Variants in DDX43 observed in about 807,000 individuals in gnomAD.
The protein encoded by DDX43 is probable ATP-dependent RNA helicase DDX43.
DDX43 carries 50 observed loss-of-function variants against 84.9 expected under a neutral mutation model. The observed-to-expected ratio is 0.59, with a 90% CI of 0.47 to 0.75. The LOEUF (loss-of-function observed/expected upper bound fraction) is 0.75. Among genes scored for constraint, DDX43 ranks in the 30% least tolerant of loss-of-function variants. DDX43 has a pLI of 0.00. For synonymous variants in DDX43, 291 were observed against 266.3 expected, an observed-to-expected ratio of 1.09 and a Z score of -0.90; for missense variants, 689 against 798.6, an observed-to-expected ratio of 0.86 and a Z score of 1.65.
At chr6:73,398,929 G>A (rs1241048909) in intron 2 of DDX43, among the ~76,000 whole-genome samples, 2 of 152,010 alleles carry the variant, frequency 1.3e-5, no homozygotes, top group African/African-American at 2.4e-5. Context: ...CTCCACTGTG[G>A]TCAGAACAAT....
At position 73,395,094 on chromosome 6, in the gene DDX43, T is replaced by C. The variant is rs749477170; in HGVS notation, c.189T>C (p.Ala63=). 21 of 1,614,142 alleles carry C rather than the reference T, an allele frequency of 1.3e-5. No homozygotes were observed. The highest frequency in any genetic ancestry group is 1.7e-5 in the Non-Finnish European group (20 of 1,179,976). ...CTAGGCCCCCGGAGGCCGTGGCCGC[T>C]GGTCACGAGGAACTGCCGCTGTGTT... ...GTSRPPEAVA[A]GHEELPLCFA... is the part of the protein sequence containing the mutation. Residue 63 remains alanine, a synonymous_variant, in exon 1 of 17, where the codon GCT becomes GCC. Transcript: ENST00000370336.
chr6:73,416,173 G>A lies in DDX43; in HGVS notation c.1894G>A (p.Glu632Lys). Residue 632 changes from glutamate (E) to lysine (K), a missense_variant, in exon 16 of 17, where the codon GAA becomes AAA. This residue lies in a region of DDX43 where 552 missense variants were observed against 692.7 expected (regional missense o/e 0.80). Coordinates refer to ENST00000370336, the MANE Select transcript of DDX43 (RefSeq NM_018665.3). ...ERFKAHQQKREMERKMERPQG... is the reference protein window; with the variant it reads ...ERFKAHQQKRKMERKMERPQG... ...GTTTAAGGCACATCAACAGAAAAGG[G>A]AAATGGAAAGAAAAATGGAAAGACC... The A allele has an allele frequency of 6.3e-7, 1 of 1,598,916 alleles. No homozygotes were observed. Among genetic ancestry groups the A allele is most frequent in the African/African-American group, 1.3e-5 (1 of 74,872 alleles).
At position 73,409,261 on chromosome 6, in the gene DDX43, C is replaced by G; in HGVS notation, c.1193C>G (p.Ala398Gly). ...TTGTCAATGCAGGTTTTAGATGAAG[C>G]AGACAAGATGTTGGACATGGGATTT... is the stretch of plus-strand genomic sequence containing the variant. The part of the protein sequence containing the change: ...KNITYLVLDE[A>G]DKMLDMGFEP... Residue 398 changes from alanine to glycine, a missense_variant, in exon 10 of 17, where the codon GCA becomes GGA. Around this residue, in one of 2 missense-constraint regions of DDX43, gnomAD observed 552 missense variants for 692.7 expected, o/e 0.80. Transcript: ENST00000370336. The G allele has an allele frequency of 6.2e-7, 1 of 1,613,974 alleles. No individual in the cohort carries two copies. The highest frequency in any genetic ancestry group is 8.5e-7 in the Non-Finnish European group (1 of 1,179,898).
At chr6:73,412,330 A>G (rs1393457548) in intron 11 of DDX43, 38 bp downstream of exon 11, 1 of 1,563,916 alleles carries the variant, frequency 6.4e-7, no homozygotes, top group Admixed American at 1.8e-5. Flanking sequence ...AACATTTCTT[A>G]TGAAAATTCT....
At chr6:73,397,573 G>C (rs1316874144) in intron 1 of DDX43, 116 bp from the exon 2 acceptor site, 2 of 800,104 alleles carry the variant, frequency 2.5e-6, no homozygotes, top group African/African-American at 3.5e-5. Context: ...AATGATTGTT[G>C]AACCCTAGGA....
chr6:73,414,817 C>A, intron 14 of DDX43, 131 bp downstream of exon 14: 1 of 806,460 alleles, frequency 1.2e-6, no homozygotes, highest in Non-Finnish European at 1.9e-6. Context: ...ATTATACTTG[C>A]TACTTTATTT....
chr6:73,402,362 A>AG (rs1457959708), intron 4 of DDX43, among the ~76,000 whole-genome samples: 3 of 152,208 alleles, frequency 2.0e-5, no homozygotes, highest in Non-Finnish European at 2.9e-5. Flanking sequence ...GCAAAAAAAA[A>AG]GGGAAAGCCA....
intron 2 of DDX43, among the ~76,000 whole-genome samples, chr6:73,399,423 T>G (rs533134869): frequency 6.6e-6 from 1 of 152,258 alleles, no homozygotes; most frequent in Admixed American, 6.5e-5. Context: ...CTTCCTGACA[T>G]ACGCTGCTAC....
intron 3 of DDX43, among the ~76,000 whole-genome samples, chr6:73,401,495 G>T (rs16883663): frequency 0.014 from 2,182 of 152,134 alleles, 106 homozygotes; most frequent in East Asian, 0.12. Flanking sequence ...TTTAAGCATT[G>T]TCTGTTTATT....
At chr6:73,412,182 A>G in intron 10 of DDX43, 23 bp from the exon 11 acceptor site, 1 of 1,583,490 alleles carries the variant, frequency 6.3e-7, no homozygotes, top group East Asian at 2.2e-5. Flanking sequence ...CAAAATTGTA[A>G]TGTTTGTAAC....
At position 73,407,583 on chromosome 6, in the gene DDX43, A is replaced by G. The variant is rs150647843; in HGVS notation, c.1005A>G (p.Glu335=). ...TRELALQVEG[E]CCKYSYKGLR... The stretch of plus-strand genomic sequence containing the variant: ...AATTAGCACTTCAAGTAGAAGGAGA[A>G]TGTTGCAAATATTCATATAAAGGGC... Residue 335 remains glutamate (E), a synonymous_variant, in exon 8 of 17, where the codon GAA becomes GAG. Transcript: ENST00000370336. The G allele has an allele frequency of 6.6e-4, 1,060 of 1,613,644 alleles. 11 individuals carry two copies. The East Asian group carries it at 0.021, about 32-fold the overall frequency.
chr6:73,414,784 A>G lies in DDX43; in HGVS notation c.1745+98A>G, dbSNP rs140806311. On this transcript the variant is annotated intron_variant, in intron 14 of 16. Coordinates refer to ENST00000370336, the MANE Select transcript of DDX43 (RefSeq NM_018665.3). ...AGAAAACCATTTTATTCTATTACCT[A>G]TAATTTTTCAGCTACTTCCCAGATT... The G allele has an allele frequency of 3.6e-4, 410 of 1,141,606 alleles. 3 individuals are homozygous for G. The African/African-American group carries it at 5.6e-3, about 16-fold the overall frequency. The allele number at this position is 1,141,606 out of a possible 1,614,324, so 70.7% of individuals were successfully genotyped here. A position where few individuals can be genotyped will look rare whatever the true frequency, so the allele number is the denominator to read the frequency against.
Position 73,416,103 on chromosome 6 carries a change from A to G in DDX43, c.1834-10A>G, listed in dbSNP as rs1414089305. The G allele has an allele frequency of 7.3e-7, 1 of 1,362,984 alleles. No individual in the cohort carries two copies. Among genetic ancestry groups the G allele is most frequent in the African/African-American group, 1.4e-5 (1 of 71,100 alleles). The allele number at this position is 1,362,984 out of a possible 1,614,324, so 84.4% of individuals were successfully genotyped here. ...CAGAATCCTAATAACAACACGTTGAATAATTTCAGAGTATTCCAGAGGAGC... is the reference window on the plus strand; with the variant it reads ...CAGAATCCTAATAACAACACGTTGAGTAATTTCAGAGTATTCCAGAGGAGC... On this transcript the variant is annotated splice_polypyrimidine_tract_variant and intron_variant, in intron 15 of 16. Coordinates refer to ENST00000370336, the MANE Select transcript of DDX43 (RefSeq NM_018665.3).
intron 10 of DDX43, among the ~76,000 whole-genome samples, chr6:73,411,117 A>G (rs1434926071): frequency 7.3e-6 from 1 of 137,178 alleles, no homozygotes; most frequent in Admixed American, 8.2e-5. Context: ...CGGAGCTTGC[A>G]GTGAGCCGAG....
Position 73,394,847 on chromosome 6 carries a change from A to T in DDX43, c.-59A>T. On this transcript the variant is annotated 5_prime_UTR_variant, in exon 1 of 17. Coordinates refer to ENST00000370336, the MANE Select transcript of DDX43 (RefSeq NM_018665.3). ...CCTGGCACGCTACTCTTACGACGTCACGGTCAGGTGGTGCAGAGCTGGACG... is the reference window on the plus strand; with the variant it reads ...CCTGGCACGCTACTCTTACGACGTCTCGGTCAGGTGGTGCAGAGCTGGACG... The T allele has an allele frequency of 1.3e-6, 2 of 1,584,338 alleles. No homozygotes were observed. Among genetic ancestry groups the T allele is most frequent in the Non-Finnish European group, 1.7e-6 (2 of 1,164,822 alleles).
chr6:73,414,528 C>A lies in DDX43; in HGVS notation c.1607-20C>A. 6.2e-7 allele frequency: 1 copy of A among 1,603,738 alleles called. No individual in the cohort carries two copies. Among genetic ancestry groups the A allele is most frequent in the African/African-American group, 1.3e-5 (1 of 74,668 alleles). On this transcript the variant is annotated intron_variant, in intron 13 of 16. Transcript: ENST00000370336. Reference sequence around the variant, plus strand: ...GTTTATACCAGAATGGTTCAGTGTTCATTTGGCTTTACTTTTTAGGCAAAG... The same window carrying A: ...GTTTATACCAGAATGGTTCAGTGTTAATTTGGCTTTACTTTTTAGGCAAAG...
intron 5 of DDX43, 131 bp downstream of exon 5, chr6:73,404,902 C>A (rs1769642280): frequency 1.3e-6 from 1 of 749,616 alleles, no homozygotes; most frequent in Non-Finnish European, 2.2e-6. Flanking sequence ...TGTCAACTTA[C>A]ATGATATTTT....
At position 73,417,296 on chromosome 6, in the gene DDX43, T is replaced by C. The variant is rs1769923183; in HGVS notation, c.*135T>C. The C allele has an allele frequency of 6.6e-6, 1 of 152,208 alleles. No homozygotes were observed. The highest frequency in any genetic ancestry group is 1.5e-5 in the Non-Finnish European group (1 of 68,034). The allele number at this position is 152,208 out of a possible 1,614,324, so 9.4% of individuals were successfully genotyped here. On this transcript the variant is annotated 3_prime_UTR_variant, in exon 17 of 17. Transcript: ENST00000370336. The stretch of plus-strand genomic sequence containing the variant: ...CTTAAAATAATAGTGTTTGAAAATA[T>C]AGAATCCAGTGTTTTATACTTTCTT...
At chr6:73,402,911 G>A (rs764503490) in intron 4 of DDX43, among the ~76,000 whole-genome samples, 70 of 152,228 alleles carry the variant, frequency 4.6e-4, no homozygotes, top group Admixed American at 7.9e-4. Flanking sequence ...GATTTCTCAC[G>A]TGGAACATTA....
Sources: gnomAD v4.1 joint callset for allele counts (sites outside exome capture counted in the v4.1 genomes callset) on GRCh38, gnomAD v4.1.1 for gene constraint, gnomAD v4.1.1 regional missense constraint, MANE v1.5 for transcripts, NCBI Gene and HGNC (gene_info 2026-07-23, HGNC 2026-07-21) for gene names.